Variants in SERPINB9 observed in about 807,000 individuals in gnomAD.
SERPINB9 encodes the protein serpin family B member 9.
Under a neutral mutation model 27.2 loss-of-function variants are expected in SERPINB9, and 20 were observed. The ratio of observed to expected loss-of-function variants is 0.74; its 90% CI spans 0.52 to 1.07. The LOEUF (loss-of-function observed/expected upper bound fraction) is 1.07. Among genes scored for constraint, SERPINB9 ranks in the 50% least tolerant of loss-of-function variants. SERPINB9 has a pLI of 0.00. For missense variants in SERPINB9, 476 were observed against 460.1 expected, an observed-to-expected ratio of 1.03 and a Z score of -0.32; for synonymous variants, 189 against 180.0, an observed-to-expected ratio of 1.05 and a Z score of -0.40.
chr6:2,893,203 T>TA (rs397957378), intron 5 of SERPINB9, among the ~76,000 whole-genome samples: 1 of 142,522 alleles, frequency 7.0e-6, no homozygotes, highest in African/African-American at 2.7e-5. Flanking sequence ...TATATATATA[T>TA]TATATATACG....
rs1367874016 is a variant in SERPINB9, at chr6:2,895,461, C to T, written c.354G>A (p.Glu118=). The change falls in exon 4 of 7, where the codon GAG becomes GAA. Residue 118 remains glutamate (E), a synonymous_variant. Coordinates refer to ENST00000380698, the MANE Select transcript of SERPINB9 (RefSeq NM_004155.6). ...CLQFYHAELK[E]LSFIRAAEES... is the part of the protein sequence containing the mutation. The stretch of plus-strand genomic sequence containing the variant: ...CTTCTGCAGCTCTGATAAAGGAAAG[C>T]TCCTTCAGCTCAGCATGGTAGAATT... The T allele has an allele frequency of 6.2e-7, 1 of 1,613,726 alleles. No individual in the cohort carries two copies. Among genetic ancestry groups the T allele is most frequent in the Admixed American group, 1.7e-5 (1 of 59,902 alleles).
intron 2 of SERPINB9, among the ~76,000 whole-genome samples, chr6:2,898,683 G>A (rs1328419497): frequency 6.6e-6 from 1 of 151,904 alleles, no homozygotes; most frequent in African/African-American, 2.4e-5. Flanking sequence ...GCGTGGGGGC[G>A]GGCACCTGTA....
At chr6:2,901,906 G>T (rs62391514) in intron 1 of SERPINB9, among the ~76,000 whole-genome samples, 135 of 152,124 alleles carry the variant, frequency 8.9e-4, no homozygotes, top group Non-Finnish European at 1.6e-3. Context: ...GGAGAGCCTT[G>T]GACAATGAAC....
chr6:2,901,139 G>C (rs1192363950), intron 1 of SERPINB9, among the ~76,000 whole-genome samples: 5 of 152,230 alleles, frequency 3.3e-5, no homozygotes, highest in African/African-American at 9.6e-5. Flanking sequence ...ACAGACAGCT[G>C]TGAGGCAAGG....
chr6:2,896,027 TTTA>T, intron 3 of SERPINB9, 23 bp downstream of exon 3: 1 of 1,599,674 alleles, frequency 6.3e-7, no homozygotes, highest in Non-Finnish European at 8.5e-7. Context: ...GAATGCAACT[TTTA>T]TTGTTCTATT....
At chr6:2,901,160 CAT>C (rs1387584643) in intron 1 of SERPINB9, among the ~76,000 whole-genome samples, 3 of 152,214 alleles carry the variant, frequency 2.0e-5, no homozygotes, top group African/African-American at 7.2e-5. Context: ...AGCTGTCATC[CAT>C]AGAGGCAAGT....
Position 2,890,530 on chromosome 6 carries a change from G to C in SERPINB9, c.764C>G (p.Thr255Ser). The C allele has an allele frequency of 1.2e-6, 2 of 1,612,278 alleles. No homozygotes were observed. The highest frequency in any genetic ancestry group is 1.7e-6 in the Non-Finnish European group (2 of 1,178,470). The part of the protein sequence containing the change: ...SLTFEKLTAW[T>S]KPDCMKSTEV... ...AGTACTCTTCATACAGTCTGGCTTG[G>C]TCCAGGCTGTGAGTTTCTCAAAAGT... The change falls in exon 7 of 7, where the codon ACC (threonine) becomes AGC (serine). Residue 255 changes from threonine to serine, a missense_variant. Coordinates refer to ENST00000380698, the MANE Select transcript of SERPINB9 (RefSeq NM_004155.6). This position sits in a 1 kb window ranked among gnomAD's most constrained non-coding sequence, Gnocchi z 6.2.
intron 4 of SERPINB9, 116 bp from the exon 5 acceptor site, chr6:2,893,669 GGTT>G: frequency 1.2e-6 from 1 of 868,414 alleles, no homozygotes; most frequent in Non-Finnish European, 1.8e-6. Context: ...GCTGAGTTTG[GGTT>G]GTTATGTAGA....
chr6:2,901,763 A>G (rs1439406230), intron 1 of SERPINB9, among the ~76,000 whole-genome samples: 1 of 147,418 alleles, frequency 6.8e-6, no homozygotes, highest in African/African-American at 2.5e-5. Context: ...CTCTACGCCC[A>G]CATTTCTTCC....
At chr6:2,902,318 A>G (rs1456748763) in intron 1 of SERPINB9, among the ~76,000 whole-genome samples, 1 of 152,082 alleles carries the variant, frequency 6.6e-6, no homozygotes, top group Non-Finnish European at 1.5e-5. Context: ...TTCCTCCCGA[A>G]GGTGATTCCT....
At position 2,895,311 on chromosome 6, in the gene SERPINB9, A is replaced by G; in HGVS notation, c.424+80T>C. ...GGGAGAGGAGGAGGAGAGAGGATAT[A>G]AGAGGCGGGAAGGAGGAATAGGAAG... On this transcript the variant is annotated intron_variant, in intron 4 of 6. Transcript: ENST00000380698. 3 of 860,790 alleles carry G rather than the reference A, an allele frequency of 3.5e-6. No individual in the cohort carries two copies. In the South Asian group the frequency reaches 4.3e-5, roughly 12 times the overall value. 53.3% of individuals were successfully genotyped at this position (860,790 alleles called of 1,614,324 possible).
chr6:2,895,340 C>A, intron 4 of SERPINB9, 51 bp downstream of exon 4: 3 of 1,223,392 alleles, frequency 2.5e-6, no homozygotes, highest in Non-Finnish European at 3.6e-6. Flanking sequence ...TAGGAAGAGC[C>A]GCAGGAGGAG....
Position 2,895,402 on chromosome 6 carries a change from T to C in SERPINB9, c.413A>G (p.Lys138Arg), listed in dbSNP as rs760431532. 5.6e-6 allele frequency: 9 copies of C among 1,609,780 alleles called. No homozygotes were observed. The highest frequency in any genetic ancestry group is 5.9e-6 in the Non-Finnish European group (7 of 1,178,070). Residue 138 changes from lysine (K) to arginine (R), a missense_variant, in exon 4 of 7, where the codon AAA (lysine) becomes AGA (arginine). Transcript: ENST00000380698. ...SRKHINTWVS[K>R]KTEGKIEELL... ...CTTGTCATTCTGACCTTCGGTCTTT[T>C]TTGAGACCCAGGTGTTGATGTGTTT... is the stretch of plus-strand genomic sequence containing the variant.
At position 2,900,430 on chromosome 6, in the gene SERPINB9, A is replaced by G; in HGVS notation, c.168+14T>C. ...CCAGGCCAGTCCCTGCTCCTGGCGG[A>G]CGGGCAAGCTTACCTGGGCCATCTG... is the stretch of plus-strand genomic sequence containing the variant. On this transcript the variant is annotated intron_variant, in intron 2 of 6. Coordinates refer to ENST00000380698, the MANE Select transcript of SERPINB9 (RefSeq NM_004155.6). 6.2e-7 allele frequency: 1 copy of G among 1,613,128 alleles called. No individual in the cohort carries two copies. The highest frequency in any genetic ancestry group is 8.5e-7 in the Non-Finnish European group (1 of 1,179,604).
chr6:2,899,829 C>A (rs762121775), intron 2 of SERPINB9: 2 of 414,186 alleles, frequency 4.8e-6, no homozygotes, highest in Admixed American at 2.9e-5. Flanking sequence ...TCAGGGATGG[C>A]GCTTTTCGGT....
intron 4 of SERPINB9, 151 bp downstream of exon 4, chr6:2,895,240 G>A (rs955855219): frequency 1.0e-4 from 63 of 604,286 alleles, no homozygotes; most frequent in Non-Finnish European, 1.6e-4. Flanking sequence ...TAGAGGGGGC[G>A]GAGTGGAGAG....
In SERPINB9 at chr6:2,900,605, T is replaced by C. The variant is rs1187723974; in HGVS notation, c.7A>G (p.Thr3Ala). The C allele has an allele frequency of 6.2e-7, 1 of 1,613,960 alleles. No homozygotes were observed. Among genetic ancestry groups the C allele is most frequent in the South Asian group, 1.1e-5 (1 of 91,060 alleles). ME[T>A]LSNASGTFAI... Reference sequence around the variant, plus strand: ...AAAGTACCACTTGCATTAGAAAGAGTTTCCATGATGCAGGGCCTGGAAGGG... The same window carrying C: ...AAAGTACCACTTGCATTAGAAAGAGCTTCCATGATGCAGGGCCTGGAAGGG... The change falls in exon 2 of 7, where the codon ACT becomes GCT. Residue 3 changes from threonine (T) to alanine (A), a missense_variant. Transcript: ENST00000380698.
At position 2,893,523 on chromosome 6, in the gene SERPINB9, G is replaced by A. The variant is rs776746094; in HGVS notation, c.455C>T (p.Ser152Leu). Reference sequence around the variant, plus strand: ...AACCAGCCTGGTTTCTGCATCAATTGAGCTACCCGGCAACAACTCTTCAAT... The same window carrying A: ...AACCAGCCTGGTTTCTGCATCAATTAAGCTACCCGGCAACAACTCTTCAAT... ...GKIEELLPGS[S>L]IDAETRLVLV... Residue 152 changes from serine (S) to leucine (L), a missense_variant, in exon 5 of 7, where the codon TCA becomes TTA. Coordinates refer to ENST00000380698, the MANE Select transcript of SERPINB9 (RefSeq NM_004155.6). 1.2e-6 allele frequency: 2 copies of A among 1,612,534 alleles called. No homozygotes were observed. The highest frequency in any genetic ancestry group is 1.3e-5 in the African/African-American group (1 of 74,962).
intron 2 of SERPINB9, 128 bp from the exon 3 acceptor site, chr6:2,896,318 T>G (rs576250028): frequency 4.3e-6 from 3 of 696,702 alleles, no homozygotes; most frequent in Non-Finnish European, 7.0e-6. Context: ...CTCGCTTGTT[T>G]AAAGATCAGT....
Sources: gnomAD v4.1 joint callset for allele counts (sites outside exome capture counted in the v4.1 genomes callset) on GRCh38, gnomAD v4.1.1 for gene constraint, Gnocchi (gnomAD v3.1) non-coding constraint, MANE v1.5 for transcripts, NCBI Gene and HGNC (gene_info 2026-07-23, HGNC 2026-07-21) for gene names.